Variants in FRAS1 observed in about 807,000 individuals in gnomAD.
The protein encoded by FRAS1 is extracellular matrix organizing protein FRAS1.
In FRAS1, 290 loss-of-function variants were observed where a neutral mutation model predicts 435.2. That is an observed-to-expected ratio of 0.67 (90% CI 0.61 to 0.73). The LOEUF (loss-of-function observed/expected upper bound fraction) is 0.73. Among genes scored for constraint, FRAS1 ranks in the 30% least tolerant of loss-of-function variants. The pLI is 0.00. For synonymous variants in FRAS1, 1,800 were observed against 1,851.0 expected, an observed-to-expected ratio of 0.97 and a Z score of 0.71; for missense variants, 4,860 against 5,001.5, an observed-to-expected ratio of 0.97 and a Z score of 0.85.
intron 72 of FRAS1, among the ~76,000 whole-genome samples, chr4:78,537,959 A>AG (rs1263417521): frequency 1.9e-5 from 2 of 107,726 alleles, no homozygotes; most frequent in African/African-American, 6.1e-5. Context: ...AAAAAAAAAG[A>AG]AAAAAAAAAG....
At chr4:78,276,677 C>T (rs1319488188) in intron 9 of FRAS1, among the ~76,000 whole-genome samples, 3 of 152,198 alleles carry the variant, frequency 2.0e-5, no homozygotes, top group African/African-American at 7.2e-5. Flanking sequence ...CCTCTGGAAG[C>T]TTTGTCTCAG....
intron 2 of FRAS1, among the ~76,000 whole-genome samples, chr4:78,070,133 G>A (rs952031991): frequency 2.6e-5 from 4 of 152,110 alleles, no homozygotes; most frequent in African/African-American, 4.8e-5. Context: ...CTGCACTGGC[G>A]TGCACCAGAT....
chr4:78,340,558 G>A (rs1730355186), intron 20 of FRAS1, among the ~76,000 whole-genome samples: 1 of 152,156 alleles, frequency 6.6e-6, no homozygotes, highest in Non-Finnish European at 1.5e-5. Context: ...CTGGGCTCTG[G>A]GGATATAAAG....
rs748697259 is a variant in FRAS1, at chr4:78,372,736, G to A, written c.2888G>A (p.Ser963Asn). 6 of 1,612,702 alleles carry A rather than the reference G, an allele frequency of 3.7e-6. No individual in the cohort carries two copies. In the Admixed American group the frequency reaches 8.3e-5, roughly 22 times the overall value. ...NTCKECDWSCSACSGPLKTDC... is the reference protein window; with the variant it reads ...NTCKECDWSCNACSGPLKTDC... ...TTTTTAGAGTGTGATTGGAGCTGCA[G>A]TGCATGCAGTGGGCCCCTGAAAACA... is the stretch of plus-strand genomic sequence containing the variant. The change falls in exon 24 of 74, where the codon AGT (serine) becomes AAT (asparagine). Residue 963 changes from serine (S) to asparagine (N), a missense_variant. By Grantham distance (46) the Ser-to-Asn change is conservative (BLOSUM62 1). Coordinates refer to ENST00000512123, the MANE Select transcript of FRAS1 (RefSeq NM_025074.7).
At chr4:78,096,603 G>C (rs1490070108) in intron 2 of FRAS1, among the ~76,000 whole-genome samples, 1 of 152,228 alleles carries the variant, frequency 6.6e-6, no homozygotes, top group Non-Finnish European at 1.5e-5. Flanking sequence ...TGCACCCGCA[G>C]GCTCAAAACC....
At chr4:78,373,900 G>T (rs895484349) in intron 24 of FRAS1, among the ~76,000 whole-genome samples, 8 of 152,110 alleles carry the variant, frequency 5.3e-5, no homozygotes, top group Non-Finnish European at 1.0e-4. Context: ...AAGAACACAG[G>T]CTCAGTGAGG....
At chr4:78,468,569 G>A (rs1719608650) in intron 50 of FRAS1, among the ~76,000 whole-genome samples, 1 of 152,030 alleles carries the variant, frequency 6.6e-6, no homozygotes, top group African/African-American at 2.4e-5. Flanking sequence ...TCTTGAGGTT[G>A]TGCAACTGTC....
chr4:78,451,738 A>T (rs753798345), intron 45 of FRAS1, 34 bp from the exon 46 acceptor site: 1 of 1,545,620 alleles, frequency 6.5e-7, no homozygotes. Flanking sequence ...AGAAAGCACT[A>T]ATAGCAAATC....
chr4:78,397,311 T>C (rs10030962), intron 29 of FRAS1, among the ~76,000 whole-genome samples: 21,227 of 152,212 alleles, frequency 0.14, 1,868 homozygotes, highest in African/African-American at 0.25. Flanking sequence ...TGATGGTATG[T>C]CTTCTCTTGA....
intron 50 of FRAS1, among the ~76,000 whole-genome samples, chr4:78,468,378 G>A (rs969433732): frequency 1.8e-4 from 27 of 152,112 alleles, no homozygotes; most frequent in Admixed American, 4.6e-4. Context: ...TCCAAGCCTC[G>A]TTTTCCCTAT....
chr4:78,111,570 G>A (rs1420290970), intron 2 of FRAS1, among the ~76,000 whole-genome samples: 1 of 93,824 alleles, frequency 1.1e-5, no homozygotes, highest in Non-Finnish European at 2.1e-5. Flanking sequence ...CATGGACACA[G>A]GAAGGGGAAT....
Position 78,328,907 on chromosome 4 carries a change from C to A in FRAS1, c.2138-4365C>A, listed in dbSNP as rs188371179. Among the ~76,000 whole-genome samples the A allele has an allele frequency of 4.6e-5, 7 of 152,332 alleles. No homozygotes were observed. The South Asian group carries it at 6.2e-4, about 14-fold the overall frequency. On this transcript the variant is annotated intron_variant, in intron 18 of 73. Transcript: ENST00000512123. Reference sequence around the variant, plus strand: ...CTTTGCATAGGAGGATCAGCTCATTCTTTCCCTTAAAATGGGAAGATAAAG... The same window carrying A: ...CTTTGCATAGGAGGATCAGCTCATTATTTCCCTTAAAATGGGAAGATAAAG...
chr4:78,449,602 T>C (rs1718957704), intron 44 of FRAS1, among the ~76,000 whole-genome samples: 1 of 152,160 alleles, frequency 6.6e-6, no homozygotes, highest in Non-Finnish European at 1.5e-5. Context: ...CAGGGCCTTA[T>C]CTTCATCCCC....
chr4:78,315,144 G>C (rs1450300333), intron 15 of FRAS1, among the ~76,000 whole-genome samples: 1 of 152,166 alleles, frequency 6.6e-6, no homozygotes, highest in Non-Finnish European at 1.5e-5. Context: ...ACCTTGCTTA[G>C]TAGAATCTTG....
At chr4:78,522,593 T>C in intron 68 of FRAS1, 56 bp from the exon 69 acceptor site, 1 of 1,438,778 alleles carries the variant, frequency 7.0e-7, no homozygotes, top group African/African-American at 1.4e-5. Context: ...CCAGGTACAG[T>C]CAAACTAAAG....
chr4:78,148,967 T>TA (rs1469577717), intron 2 of FRAS1, among the ~76,000 whole-genome samples: 4 of 152,194 alleles, frequency 2.6e-5, no homozygotes, highest in Admixed American at 2.0e-4. Context: ...AGTATTTTTT[T>TA]AAAAAACTTT....
chr4:78,151,656 C>T (rs893465925), intron 2 of FRAS1, among the ~76,000 whole-genome samples: 5 of 152,136 alleles, frequency 3.3e-5, no homozygotes, highest in Non-Finnish European at 7.4e-5. Flanking sequence ...TCAGAATGTG[C>T]TATTATCTAC....
intron 66 of FRAS1, among the ~76,000 whole-genome samples, chr4:78,518,441 TATATATATA>T (rs1721282992): frequency 1.5e-5 from 2 of 132,154 alleles, no homozygotes; most frequent in African/African-American, 3.1e-5. Context: ...TATATATATA[TATATATATA>T]TATTTATTTA....
chr4:78,143,825 G>A (rs1262991124), intron 2 of FRAS1, among the ~76,000 whole-genome samples: 29 of 149,874 alleles, frequency 1.9e-4, no homozygotes, highest in Admixed American at 6.7e-5. Flanking sequence ...GATTGCTTGA[G>A]CCCAGGGGAC....
Sources: gnomAD v4.1 joint callset for allele counts (sites outside exome capture counted in the v4.1 genomes callset) on GRCh38, gnomAD v4.1.1 for gene constraint, MANE v1.5 for transcripts, NCBI Gene and HGNC (gene_info 2026-07-23, HGNC 2026-07-21) for gene names.